Variants in NAA25 observed in about 807,000 individuals in gnomAD.
The protein encoded by NAA25 is N-terminal acetyltransferase B complex subunit NAA25.
Under a neutral mutation model 132.5 loss-of-function variants are expected in NAA25, and 30 were observed. That is an observed-to-expected ratio of 0.23 (90% CI 0.17 to 0.31). The LOEUF (loss-of-function observed/expected upper bound fraction) is 0.31. Among genes scored for constraint, NAA25 ranks in the 10% least tolerant of loss-of-function variants. NAA25 has a pLI of 1.00. For missense variants in NAA25, 771 were observed against 1,150.4 expected (o/e 0.67, Z 4.77); for synonymous variants, 359 against 401.9 (o/e 0.89, Z 1.28).
intron 22 of NAA25, among the ~76,000 whole-genome samples, chr12:112,036,877 G>C (rs907585478): frequency 6.8e-6 from 1 of 146,752 alleles, no homozygotes; most frequent in South Asian, 2.1e-4. Flanking sequence ...CTGTGTGTGC[G>C]TGTGTGTGTG....
chr12:112,049,236 T>C lies in NAA25; in HGVS notation c.1729-793A>G, dbSNP rs968419344. ...ATTCTAAGCAGAAATTCTGGCACAATAGAAGAAAATCTCAGGGAAGAACAT... is the reference window on the plus strand; with the variant it reads ...ATTCTAAGCAGAAATTCTGGCACAACAGAAGAAAATCTCAGGGAAGAACAT... On this transcript the variant is annotated intron_variant, in intron 15 of 23. Transcript: ENST00000261745. This position sits in a 1 kb window ranked among gnomAD's most constrained non-coding sequence, Gnocchi z 4.7. 5.9e-5 allele frequency among the ~76,000 whole-genome samples: 9 copies of C among 152,178 alleles called. No individual in the cohort carries two copies. The highest frequency in any genetic ancestry group is 6.5e-5 in the Admixed American group (1 of 15,280).
chr12:112,060,968 CAAG>C (rs2078620212), intron 12 of NAA25, among the ~76,000 whole-genome samples: 1 of 152,072 alleles, frequency 6.6e-6, no homozygotes, highest in Non-Finnish European at 1.5e-5. Context: ...CTCATCAGAT[CAAG>C]AAGAATACAG....
rs1473395963 is a variant in NAA25 at position 112,060,316 on chromosome 12, G to A, written c.1401C>T (p.Tyr467=). ...LKTELQFSDY[Y]CLLAVHALID... ...TAAGCGCATGGACAGCAAGGAGACA[G>A]TAATAGTCAGAAAATTGCAATTCTG... Residue 467 remains tyrosine, a synonymous_variant, in exon 13 of 24, where the codon TAC becomes TAT. Transcript: ENST00000261745. 6.2e-7 allele frequency: 1 copy of A among 1,613,584 alleles called. No homozygotes were observed. Among genetic ancestry groups the A allele is most frequent in the South Asian group, 1.1e-5 (1 of 91,006 alleles).
At chr12:112,087,009 C>CAA (rs57089089) in intron 4 of NAA25, among the ~76,000 whole-genome samples, 15 of 70,532 alleles carry the variant, frequency 2.1e-4, no homozygotes, top group East Asian at 3.1e-4. Flanking sequence ...ACTCCATCTC[C>CAA]AAAAAAAAAA....
At chr12:112,064,789 C>T (rs2078689928) in intron 11 of NAA25, among the ~76,000 whole-genome samples, 1 of 152,146 alleles carries the variant, frequency 6.6e-6, no homozygotes, top group Non-Finnish European at 1.5e-5. Context: ...AATACCAGCA[C>T]TTTGGGAGGC....
chr12:112,054,554 C>T lies in NAA25; in HGVS notation c.1462G>A (p.Val488Met), dbSNP rs1366598625. The stretch of plus-strand genomic sequence containing the variant: ...TCCAGCAAAGTCAGGGCCTGCCACA[C>T]AGTGGTCTCATCACCTAGAACCAAA... Reference protein sequence around the residue: ...VWRETGDETTVWQALTLLEEG... With the variant: ...VWRETGDETTMWQALTLLEEG... The change falls in exon 14 of 24, where the codon GTG becomes ATG. Residue 488 changes from valine to methionine, a missense_variant. Val to Met is a conservative substitution (Grantham distance 21, BLOSUM62 1). Transcript: ENST00000261745. The T allele has an allele frequency of 6.2e-7, 1 of 1,613,650 alleles. No individual in the cohort carries two copies. The highest frequency in any genetic ancestry group is 8.5e-7 in the Non-Finnish European group (1 of 1,179,874).
rs1465260228 is a variant in NAA25 at position 112,072,095 on chromosome 12, A to G, written c.867-31T>C. ...GAAAAGCACATGAAAAAGGAATTTT[A>G]TTGCCTCTATTGTCCTTCCCGAAGC... On this transcript the variant is annotated intron_variant, in intron 9 of 23. Transcript: ENST00000261745. 2.7e-6 allele frequency: 4 copies of G among 1,477,356 alleles called. No homozygotes were observed. In the East Asian group the frequency reaches 1.1e-4, roughly 40 times the overall value. 91.5% of individuals were successfully genotyped at this position (1,477,356 alleles called of 1,614,324 possible).
chr12:112,092,656 G>A lies in NAA25; in HGVS notation c.144+395C>T, dbSNP rs563596149. 1.6e-4 allele frequency among the ~76,000 whole-genome samples: 24 copies of A among 151,276 alleles called. 1 individual carries two copies. The South Asian group carries it at 5.0e-3, about 31-fold the overall frequency. On this transcript the variant is annotated intron_variant, in intron 2 of 23. Transcript: ENST00000261745. ...ACAAAAGACACTAATAGTCACTAAAGAGATTTAACATCCTTTCTCCCCCCC... is the reference window on the plus strand; with the variant it reads ...ACAAAAGACACTAATAGTCACTAAAAAGATTTAACATCCTTTCTCCCCCCC...
At chr12:112,059,123 A>C (rs894894671) in intron 13 of NAA25, among the ~76,000 whole-genome samples, 2 of 110,948 alleles carry the variant, frequency 1.8e-5, no homozygotes, top group African/African-American at 6.4e-5. Flanking sequence ...AAAAAAAAAA[A>C]CTAGCTGGGC....
intron 1 of NAA25, among the ~76,000 whole-genome samples, chr12:112,093,869 G>A (rs2136933572): frequency 6.6e-6 from 1 of 152,238 alleles, no homozygotes; most frequent in African/African-American, 2.4e-5. Flanking sequence ...GCAACTGAGT[G>A]AGACCCTGAT....
At chr12:112,108,627 G>C in intron 1 of NAA25, 89 bp downstream of exon 1, 1 of 1,220,896 alleles carries the variant, frequency 8.2e-7, no homozygotes, top group East Asian at 3.3e-5. Flanking sequence ...CCCGCGCGCC[G>C]GCCCTCAGCA....
At chr12:112,080,496 ACCCTGTCTCTACAACATTT>A (rs2078957901) in intron 5 of NAA25, among the ~76,000 whole-genome samples, 1 of 151,670 alleles carries the variant, frequency 6.6e-6, no homozygotes, top group Non-Finnish European at 1.5e-5. Flanking sequence ...AAAGAGTGAG[ACCCTGTCTCTACAACATTT>A]TTTTGAGACA....
rs1440914818 is a variant in NAA25, at chr12:112,048,326, G to A, written c.1846C>T (p.Arg616Trp). ...SLHFAQVRTE[R>W]MLLDLLLEAN... ...TCAAGTAGAAGGTCTAACAGCATCC[G>A]TTCAGTACGGACTTGTGCAAAATGA... The change falls in exon 16 of 24, where the codon CGG becomes TGG. Residue 616 changes from arginine (R) to tryptophan (W), a missense_variant. Transcript: ENST00000261745. 5 of 1,613,786 alleles carry A rather than the reference G, an allele frequency of 3.1e-6. No homozygotes were observed. Among genetic ancestry groups the A allele is most frequent in the South Asian group, 1.1e-5 (1 of 91,080 alleles).
At position 112,056,943 on chromosome 12, in the gene NAA25, A is replaced by C. The variant is rs564896356; in HGVS notation, c.1448-2375T>G. Among the ~76,000 whole-genome samples, 6 of 152,278 alleles carry C rather than the reference A, an allele frequency of 3.9e-5. No homozygotes were observed. In the East Asian group the frequency reaches 1.2e-3, roughly 29 times the overall value. ...GGTGGCTCACGCCTGAAATCCCAGC[A>C]CTTTGGGAGGCTGAGGCGGGCGGAT... On this transcript the variant is annotated intron_variant, in intron 13 of 23. Transcript: ENST00000261745.
intron 7 of NAA25, among the ~76,000 whole-genome samples, chr12:112,077,179 T>A (rs7303036): frequency 0.1 from 14,983 of 150,470 alleles, 882 homozygotes; most frequent in South Asian, 0.29. Context: ...ATAATAATAA[T>A]AAAATAATGG....
At chr12:112,053,880 C>T (rs2078505811) in intron 14 of NAA25, among the ~76,000 whole-genome samples, 1 of 144,210 alleles carries the variant, frequency 6.9e-6, no homozygotes, top group South Asian at 2.3e-4. Flanking sequence ...ACCTAAAGTT[C>T]TGTAACTAGG....
intron 20 of NAA25, 56 bp from the exon 21 acceptor site, chr12:112,040,634 G>A: frequency 3.4e-6 from 3 of 877,674 alleles, no homozygotes; most frequent in South Asian, 1.5e-5. Context: ...GCTATTTTAA[G>A]GAACACAACA....
chr12:112,070,909 G>T (rs2078795788), intron 10 of NAA25, among the ~76,000 whole-genome samples: 1 of 152,208 alleles, frequency 6.6e-6, no homozygotes, highest in South Asian at 2.1e-4. Context: ...ACCATGCCTG[G>T]CTAATTTTTG....
At chr12:112,054,350 T>C (rs928812997) in intron 14 of NAA25, 38 bp downstream of exon 14, 1 of 1,584,004 alleles carries the variant, frequency 6.3e-7, no homozygotes, top group South Asian at 1.1e-5. Context: ...CACACTGGTA[T>C]AGCTGGCTGC....
Sources: gnomAD v4.1 joint callset for allele counts (sites outside exome capture counted in the v4.1 genomes callset) on GRCh38, gnomAD v4.1.1 for gene constraint, Gnocchi (gnomAD v3.1) non-coding constraint, MANE v1.5 for transcripts, NCBI Gene and HGNC (gene_info 2026-07-23, HGNC 2026-07-21) for gene names.